The following ABHD2 variants were observed in gnomAD, a reference collection of about 807,000 sequenced individuals.
ABHD2 encodes the protein abhydrolase domain containing 2, acylglycerol lipase, also known as monoacylglycerol lipase ABHD2.
ABHD2 carries 20 observed loss-of-function variants against 48.1 expected under a neutral mutation model. That is an observed-to-expected ratio of 0.42 (90% CI 0.29 to 0.60). The LOEUF (loss-of-function observed/expected upper bound fraction) is 0.60, where lower values mean the gene tolerates loss of function less well. Among genes scored for constraint, ABHD2 ranks in the 20% least tolerant of loss-of-function variants. The pLI is 0.24. For synonymous variants in ABHD2, 209 were observed against 214.2 expected, an observed-to-expected ratio of 0.98 and a Z score of 0.21; for missense variants, 405 against 550.9, an observed-to-expected ratio of 0.74 and a Z score of 2.65.
At chr15:89,191,687 G>A (rs932344481) in intron 9 of ABHD2, among the ~76,000 whole-genome samples, 1 of 105,342 alleles carries the variant, frequency 9.5e-6, no homozygotes, top group African/African-American at 3.7e-5. Flanking sequence ...GAGTGCAGTG[G>A]CGCAATCTCT....
chr15:89,113,885 T>C (rs2049914545), intron 2 of ABHD2, 61 bp downstream of exon 2: 1 of 152,134 alleles, frequency 6.6e-6, no homozygotes, highest in Non-Finnish European at 1.5e-5. Context: ...AAGCAGTGAA[T>C]AGAAGTGGGA....
At chr15:89,135,694 A>G in intron 3 of ABHD2, 1 of 1,465,730 alleles carries the variant, frequency 6.8e-7, no homozygotes, top group African/African-American at 1.4e-5. Flanking sequence ...GATATGCAGC[A>G]ATATCCTTTT....
the ABHD2 span, among the ~76,000 whole-genome samples, chr15:89,053,865 C>T: frequency 6.6e-6 from 1 of 152,188 alleles, no homozygotes; most frequent in Non-Finnish European, 1.5e-5. Flanking sequence ...CTCTCATTTT[C>T]CCAATTAAGG....
the ABHD2 span, among the ~76,000 whole-genome samples, chr15:89,056,959 G>C: frequency 1.6e-5 from 2 of 126,418 alleles, no homozygotes; most frequent in Admixed American, 2.1e-4. Flanking sequence ...TGTTGCCCAA[G>C]CTGGAGTGCA....
intron 3 of ABHD2, among the ~76,000 whole-genome samples, chr15:89,142,784 G>A (rs1254099051): frequency 1.3e-5 from 2 of 152,096 alleles, no homozygotes; most frequent in African/African-American, 2.4e-5. Flanking sequence ...TTGGTCTCAA[G>A]TCTCTTGTCT....
At position 89,155,179 on chromosome 15, in the gene ABHD2, A is replaced by G. The variant is rs749608014; in HGVS notation, c.371-188A>G. Among the ~76,000 whole-genome samples the G allele has an allele frequency of 1.1e-4, 17 of 152,222 alleles. No homozygotes were observed. The highest frequency in any genetic ancestry group is 2.2e-4 in the Non-Finnish European group (15 of 68,032). On this transcript the variant is annotated intron_variant, in intron 4 of 10. Coordinates refer to ENST00000352732, the MANE Select transcript of ABHD2 (RefSeq NM_152924.5). This position sits in a 1 kb window ranked among gnomAD's most constrained non-coding sequence, Gnocchi z 4.9. Reference sequence around the variant, plus strand: ...ACATTTTCAAAACAAACCCTTCACTATAAATAGCTTGAGAAGCACTGATAT... The same window carrying G: ...ACATTTTCAAAACAAACCCTTCACTGTAAATAGCTTGAGAAGCACTGATAT...
In ABHD2 at chr15:89,199,911, G is replaced by A. The variant is rs373232557; in HGVS notation, c.*4488G>A. 6.2e-4 allele frequency: 94 copies of A among 152,530 alleles called. No individual in the cohort carries two copies. The highest frequency in any genetic ancestry group is 2.2e-3 in the African/African-American group (92 of 41,476). 9.4% of individuals were successfully genotyped at this position (152,530 alleles called of 1,614,324 possible). On this transcript the variant is annotated 3_prime_UTR_variant, in exon 11 of 11. Coordinates refer to ENST00000352732, the MANE Select transcript of ABHD2 (RefSeq NM_152924.5). This position sits in a 1 kb window ranked among gnomAD's most constrained non-coding sequence, Gnocchi z 4.1. ...GGAAGGGGAATCTGGCCCCTGCTGG[G>A]AGAGGGAACTGGAATGCCACACAAG... is the stretch of plus-strand genomic sequence containing the variant.
chr15:89,041,469 C>A, the ABHD2 span, among the ~76,000 whole-genome samples: 22 of 152,334 alleles, frequency 1.4e-4, no homozygotes, highest in African/African-American at 5.3e-4. Flanking sequence ...CCTAAGGGCA[C>A]AGAGGCACCA....
the ABHD2 span, among the ~76,000 whole-genome samples, chr15:89,042,051 A>G: frequency 6.6e-6 from 1 of 152,190 alleles, no homozygotes; most frequent in Admixed American, 6.5e-5. Flanking sequence ...GAGCATTACT[A>G]TGTGCCGAGC....
chr15:89,084,013 C>T (rs527432771), upstream of ABHD2, among the ~76,000 whole-genome samples: 3 of 152,164 alleles, frequency 2.0e-5, no homozygotes, highest in African/African-American at 7.2e-5. This position sits in a 1 kb window ranked among gnomAD's most constrained non-coding sequence, Gnocchi z 4.4. Flanking sequence ...CATGTCATGA[C>T]TGCAGGAATA....
chr15:89,097,320 A>G lies in ABHD2; in HGVS notation c.-107+8757A>G, dbSNP rs917216200. Among the ~76,000 whole-genome samples the G allele has an allele frequency of 6.6e-5, 10 of 152,250 alleles. No individual in the cohort carries two copies. The highest frequency in any genetic ancestry group is 2.4e-4 in the African/African-American group (10 of 41,466). ...AGTTGCATCTGTAAATATTTCCATGATAATTCTTAAATATAAAGACTCCTT... is the reference window on the plus strand; with the variant it reads ...AGTTGCATCTGTAAATATTTCCATGGTAATTCTTAAATATAAAGACTCCTT... On this transcript the variant is annotated intron_variant, in intron 1 of 10. Transcript: ENST00000352732. This position sits in a 1 kb window ranked among gnomAD's most constrained non-coding sequence, Gnocchi z 4.2.
intron 3 of ABHD2, among the ~76,000 whole-genome samples, chr15:89,141,602 C>A (rs531045660): frequency 1.6e-4 from 25 of 152,056 alleles, no homozygotes; most frequent in Non-Finnish European, 3.4e-4. Context: ...CACTGCACTC[C>A]AGCCTGGGCA....
intron 1 of ABHD2, among the ~76,000 whole-genome samples, chr15:89,108,284 C>T (rs916986159): frequency 6.6e-6 from 1 of 152,204 alleles, no homozygotes; most frequent in African/African-American, 2.4e-5. Context: ...CTTGTCTCCT[C>T]TTCTGATGGT....
At chr15:89,059,303 C>T in the ABHD2 span, among the ~76,000 whole-genome samples, 1 of 152,184 alleles carries the variant, frequency 6.6e-6, no homozygotes. Context: ...AAAATGTTCG[C>T]TGTGGCTAGA....
At chr15:89,089,942 T>C (rs1356969687) in intron 1 of ABHD2, among the ~76,000 whole-genome samples, 1 of 152,158 alleles carries the variant, frequency 6.6e-6, no homozygotes, top group Non-Finnish European at 1.5e-5. Context: ...CATCTCTATC[T>C]AAGTCTAATT....
At chr15:89,107,922 C>A (rs1356185752) in intron 1 of ABHD2, among the ~76,000 whole-genome samples, 1 of 152,090 alleles carries the variant, frequency 6.6e-6, no homozygotes, top group Non-Finnish European at 1.5e-5. Context: ...TTGCTGATAG[C>A]TAAGAGGAAA....
the ABHD2 span, among the ~76,000 whole-genome samples, chr15:89,071,439 A>G: frequency 6.6e-5 from 10 of 152,252 alleles, no homozygotes; most frequent in East Asian, 1.9e-3. Flanking sequence ...AAAAAAAGAC[A>G]TAGGGTTTTA....
In ABHD2 at chr15:89,185,932, A is replaced by C. The variant is rs2051200689; in HGVS notation, c.815+416A>C. Among the ~76,000 whole-genome samples the C allele has an allele frequency of 2.0e-5, 3 of 152,204 alleles. No homozygotes were observed. Among genetic ancestry groups the C allele is most frequent in the African/African-American group, 7.2e-5 (3 of 41,444 alleles). The stretch of plus-strand genomic sequence containing the variant: ...CAGCGAGCCAAGATTGCGCCAATGC[A>C]CCCCAGCCTGGGTGACAGAGCGAGA... On this transcript the variant is annotated intron_variant, in intron 7 of 10. Coordinates refer to ENST00000352732, the MANE Select transcript of ABHD2 (RefSeq NM_152924.5). The surrounding 1 kb of genome is among the most constrained non-coding windows in gnomAD (Gnocchi z 5.9).
At chr15:89,127,575 A>G (rs189145150) in intron 3 of ABHD2, among the ~76,000 whole-genome samples, 1 of 151,858 alleles carries the variant, frequency 6.6e-6, no homozygotes, top group African/African-American at 2.4e-5. Flanking sequence ...GTAATTTCTT[A>G]CTGATGTAAA....
Sources: gnomAD v4.1 joint callset for allele counts (sites outside exome capture counted in the v4.1 genomes callset) on GRCh38, gnomAD v4.1.1 for gene constraint, Gnocchi (gnomAD v3.1) non-coding constraint, MANE v1.5 for transcripts, NCBI Gene and HGNC (gene_info 2026-07-23, HGNC 2026-07-21) for gene names.